Variants in SLC24A3 observed in about 807,000 individuals in gnomAD.
The protein encoded by SLC24A3 is solute carrier family 24 member 3.
SLC24A3 carries 28 observed loss-of-function variants against 75.8 expected under a neutral mutation model. The observed-to-expected ratio is 0.37, with a 90% CI of 0.27 to 0.51. SLC24A3 has a LOEUF of 0.51. Ranked by LOEUF, SLC24A3 falls within the 20% of genes least tolerant of loss-of-function variation. The pLI, the probability that SLC24A3 is intolerant of heterozygous loss-of-function variation, is 0.94. For synonymous variants in SLC24A3, 372 were observed against 334.1 expected (o/e 1.11, Z -1.24); for missense variants, 663 against 847.8 (o/e 0.78, Z 2.71).
intron 8 of SLC24A3, among the ~76,000 whole-genome samples, chr20:19,672,377 C>T (rs2424249): frequency 0.12 from 18,080 of 152,040 alleles, 1,562 homozygotes; most frequent in African/African-American, 0.24. Context: ...CTGTGTCGCC[C>T]AGGCTGTCGT....
intron 2 of SLC24A3, among the ~76,000 whole-genome samples, chr20:19,421,633 A>G (rs1389223542): frequency 6.6e-6 from 1 of 152,224 alleles, no homozygotes; most frequent in African/African-American, 2.4e-5. Flanking sequence ...GTGGATCCTT[A>G]TCACACGCCC....
At chr20:19,354,599 T>C (rs1163795727) in intron 2 of SLC24A3, among the ~76,000 whole-genome samples, 1 of 138,768 alleles carries the variant, frequency 7.2e-6, no homozygotes. Flanking sequence ...TGTGTGTGTG[T>C]GTGTGTGTGT....
intron 2 of SLC24A3, among the ~76,000 whole-genome samples, chr20:19,475,794 A>G (rs900810304): frequency 1.3e-5 from 2 of 152,184 alleles, no homozygotes; most frequent in Non-Finnish European, 2.9e-5. Flanking sequence ...TTATTTTTAG[A>G]TTTACCTAAA....
rs369413652 is a variant in SLC24A3 at position 19,653,310 on chromosome 20, G to C, written c.613-752G>C. On this transcript the variant is annotated intron_variant, in intron 6 of 16. Coordinates refer to ENST00000328041, the MANE Select transcript of SLC24A3 (RefSeq NM_020689.4). ...CTCCAGCAATGTGCCTATCAGCTTC[G>C]TGTCAGCAGAGCCAGCATCTCTTTA... Among the ~76,000 whole-genome samples, 4 of 152,172 alleles carry C rather than the reference G, an allele frequency of 2.6e-5. No homozygotes were observed. In the South Asian group the frequency reaches 8.3e-4, roughly 32 times the overall value.
At chr20:19,641,084 C>T (rs1049120511) in intron 6 of SLC24A3, among the ~76,000 whole-genome samples, 1 of 152,202 alleles carries the variant, frequency 6.6e-6, no homozygotes, top group Non-Finnish European at 1.5e-5. Flanking sequence ...CAAAGTGAGA[C>T]TATCTGACTT....
chr20:19,333,925 G>C (rs1464994260), intron 2 of SLC24A3, among the ~76,000 whole-genome samples: 1 of 151,900 alleles, frequency 6.6e-6, no homozygotes, highest in African/African-American at 2.4e-5. Flanking sequence ...TATGGTGAAA[G>C]AAGACAAGAA....
chr20:19,278,471 C>A (rs553143021), intron 1 of SLC24A3, among the ~76,000 whole-genome samples: 11 of 152,286 alleles, frequency 7.2e-5, no homozygotes, highest in Middle Eastern at 3.4e-3. Context: ...GAGGGGATGC[C>A]CTTCTCCACA....
At chr20:19,484,065 T>A (rs1988095809) in intron 2 of SLC24A3, among the ~76,000 whole-genome samples, 1 of 152,198 alleles carries the variant, frequency 6.6e-6, no homozygotes, top group South Asian at 2.1e-4. Flanking sequence ...TCACGGTAGC[T>A]GAGAGGTGGA....
chr20:19,671,647 GT>G (rs531098573), intron 8 of SLC24A3, among the ~76,000 whole-genome samples: 1,116 of 103,822 alleles, frequency 0.011, 63 homozygotes, highest in Admixed American at 0.087. Context: ...TTTTTTTTTT[GT>G]TTTTTTGTTT....
Position 19,521,926 on chromosome 20 carries a change from T to G in SLC24A3, c.348+6362T>G, listed in dbSNP as rs77339734. ...TTTCCACCTCACTCCCAGGGGTATT[T>G]TTTTTTCATGGTCTTTCAAGGATGT... On this transcript the variant is annotated intron_variant, in intron 3 of 16. Transcript: ENST00000328041. Among the ~76,000 whole-genome samples, 1,194 of 152,054 alleles carry G rather than the reference T, an allele frequency of 7.9e-3. 8 individuals are homozygous for G. Among genetic ancestry groups the G allele is most frequent in the Non-Finnish European group, 0.012 (840 of 67,978 alleles).
At chr20:19,510,079 G>C (rs1988514730) in intron 2 of SLC24A3, among the ~76,000 whole-genome samples, 1 of 152,222 alleles carries the variant, frequency 6.6e-6, no homozygotes, top group South Asian at 2.1e-4. Flanking sequence ...AGCTGACAAA[G>C]ATCAATGACA....
chr20:19,528,520 G>C (rs1250157024), intron 3 of SLC24A3, among the ~76,000 whole-genome samples: 2 of 152,130 alleles, frequency 1.3e-5, no homozygotes, highest in Non-Finnish European at 2.9e-5. Flanking sequence ...AGGAAAATCA[G>C]GTCTACACGT....
chr20:19,413,894 G>A (rs972089696), intron 2 of SLC24A3, among the ~76,000 whole-genome samples: 7 of 152,076 alleles, frequency 4.6e-5, no homozygotes, highest in Non-Finnish European at 7.4e-5. Context: ...GCATCAAGCT[G>A]GGAAATGTTT....
intron 1 of SLC24A3, among the ~76,000 whole-genome samples, chr20:19,233,084 A>G (rs953199281): frequency 1.6e-4 from 25 of 152,146 alleles, no homozygotes; most frequent in South Asian, 4.1e-4. Context: ...TCTCTTCTTG[A>G]CAGTTGCTTC....
intron 2 of SLC24A3, among the ~76,000 whole-genome samples, chr20:19,294,922 A>G (rs971476018): frequency 6.6e-6 from 1 of 152,154 alleles, no homozygotes. Flanking sequence ...AAGTGTTTCT[A>G]TTTCTCCACA....
At chr20:19,248,375 G>A (rs371538429) in intron 1 of SLC24A3, among the ~76,000 whole-genome samples, 2 of 151,902 alleles carry the variant, frequency 1.3e-5, no homozygotes, top group African/African-American at 4.9e-5. Flanking sequence ...ATAAAAAAAT[G>A]ACGATGGTTT....
chr20:19,667,149 G>A (rs959655688), intron 8 of SLC24A3, among the ~76,000 whole-genome samples: 4 of 152,122 alleles, frequency 2.6e-5, no homozygotes, highest in Admixed American at 6.5e-5. Context: ...AGAATTAGGG[G>A]GCAGTGGAGA....
intron 2 of SLC24A3, among the ~76,000 whole-genome samples, chr20:19,359,660 G>A (rs1049724953): frequency 6.6e-6 from 1 of 152,208 alleles, no homozygotes; most frequent in Non-Finnish European, 1.5e-5. Flanking sequence ...CACCCTTACA[G>A]ATTGTAGGTG....
intron 2 of SLC24A3, among the ~76,000 whole-genome samples, chr20:19,377,050 T>C (rs1023189950): frequency 6.6e-6 from 1 of 152,214 alleles, no homozygotes; most frequent in Non-Finnish European, 1.5e-5. Context: ...TTCTAGAGAA[T>C]TTGCCAGGGC....
Sources: gnomAD v4.1 joint callset for allele counts (sites outside exome capture counted in the v4.1 genomes callset) on GRCh38, gnomAD v4.1.1 for gene constraint, MANE v1.5 for transcripts, NCBI Gene and HGNC (gene_info 2026-07-23, HGNC 2026-07-21) for gene names.